Variants in USP33 observed in about 807,000 individuals in gnomAD.
USP33 encodes the protein ubiquitin carboxyl-terminal hydrolase 33.
A neutral mutation model predicts 124.2 loss-of-function variants in USP33; 46 were observed. That is an observed-to-expected ratio of 0.37 (90% confidence interval 0.29 to 0.47). The LOEUF is 0.47. USP33 is among the 20% of genes least tolerant of loss of function. USP33 has a pLI of 0.99. For synonymous variants in USP33, 350 were observed against 352.3 expected, an observed-to-expected ratio of 0.99 and a Z score of 0.07; for missense variants, 851 against 1,070.6, an observed-to-expected ratio of 0.79 and a Z score of 2.86.
At chr1:77,721,793 A>T in intron 14 of USP33, 38 bp downstream of exon 14, 1 of 1,556,546 alleles carries the variant, frequency 6.4e-7, no homozygotes, top group Non-Finnish European at 8.7e-7. Flanking sequence ...TTTTAGATTT[A>T]CCTACAAAAA....
chr1:77,704,429 A>C (rs1434273005), intron 21 of USP33, among the ~76,000 whole-genome samples: 5 of 152,350 alleles, frequency 3.3e-5, no homozygotes, highest in African/African-American at 9.6e-5. Context: ...GAAAACTTTC[A>C]GGACTTACTT....
At chr1:77,706,555 G>A (rs563813264) in intron 21 of USP33, among the ~76,000 whole-genome samples, 14 of 152,244 alleles carry the variant, frequency 9.2e-5, no homozygotes, top group Admixed American at 5.2e-4. Flanking sequence ...TGACTCATTC[G>A]TAACCATAAT....
At chr1:77,749,383 GT>G (rs749885315) in intron 1 of USP33, among the ~76,000 whole-genome samples, 6 of 148,340 alleles carry the variant, frequency 4.0e-5, no homozygotes, top group Non-Finnish European at 8.9e-5. Context: ...TTTTTGTTTT[GT>G]TTGTTTTTTT....
At position 77,713,226 on chromosome 1, in the gene USP33, C is replaced by A; in HGVS notation, c.2271G>T (p.Gln757His). 6.3e-7 allele frequency: 1 copy of A among 1,587,504 alleles called. No individual in the cohort carries two copies. The highest frequency in any genetic ancestry group is 1.4e-5 in the African/African-American group (1 of 72,242). The change falls in exon 20 of 24, where the codon CAG (glutamine) becomes CAT (histidine). Residue 757 changes from glutamine to histidine, a missense_variant. Physicochemically the swap from Gln to His is conservative, Grantham distance 24. Around this residue, in one of 4 missense-constraint regions of USP33, gnomAD observed 281 missense variants for 425.0 expected, o/e 0.66. Coordinates refer to ENST00000370794, the MANE Select transcript of USP33 (RefSeq NM_201624.3). ...YIEDLVLMLP[Q>H]NIWDNLYSRY... is the part of the protein sequence containing the mutation. Reference sequence around the variant, plus strand: ...TGCTATATAGGTTATCCCAAATGTTCTGAGGCAGCATCAAAACCAGGTCTT... The same window carrying A: ...TGCTATATAGGTTATCCCAAATGTTATGAGGCAGCATCAAAACCAGGTCTT...
At chr1:77,719,005 A>G (rs1044735378) in intron 15 of USP33, among the ~76,000 whole-genome samples, 5 of 152,116 alleles carry the variant, frequency 3.3e-5, no homozygotes, top group Admixed American at 3.3e-4. Flanking sequence ...TTGCCACTGA[A>G]TTACGTTACA....
intron 9 of USP33, 102 bp downstream of exon 9, chr1:77,729,758 A>G: frequency 9.8e-7 from 1 of 1,018,112 alleles, no homozygotes; most frequent in African/African-American, 1.6e-5. Context: ...AGAAAGACAC[A>G]AGGAGTGATG....
rs1199952438 is a variant in USP33 at position 77,736,103 on chromosome 1, T to C, written c.407A>G (p.Asp136Gly). 1.9e-6 allele frequency: 3 copies of C among 1,613,468 alleles called. No homozygotes were observed. The highest frequency in any genetic ancestry group is 2.2e-5 in the South Asian group (2 of 90,942). ...TTCATCCGCTTCTATATCCAGATCA[T>C]CAAATACGGCAACCAGAGGAGTTTT... The part of the protein sequence containing the change: ...TLKTPLVAVF[D>G]DLDIEADEED... Residue 136 changes from aspartate to glycine, a missense_variant, in exon 6 of 24, where the codon GAT becomes GGT. Physicochemically the swap from Asp to Gly is moderately conservative, Grantham distance 94. Transcript: ENST00000370794.
intron 19 of USP33, among the ~76,000 whole-genome samples, chr1:77,713,874 T>C (rs549427077): frequency 6.6e-6 from 1 of 152,296 alleles, no homozygotes; most frequent in South Asian, 2.1e-4. Context: ...TTACACTCTC[T>C]CTCCCAAGAA....
intron 11 of USP33, 80 bp from the exon 12 acceptor site, chr1:77,723,523 TCTTA>T: frequency 6.4e-6 from 6 of 930,536 alleles, no homozygotes; most frequent in Non-Finnish European, 9.7e-6. Context: ...GTCTTGTCAA[TCTTA>T]CTTGTATATG....
At chr1:77,736,764 A>G (rs931700699) in intron 5 of USP33, among the ~76,000 whole-genome samples, 10 of 152,130 alleles carry the variant, frequency 6.6e-5, no homozygotes, top group Middle Eastern at 3.4e-3. Context: ...TGCATGCCAC[A>G]ACGCCCAGCT....
Position 77,722,210 on chromosome 1 carries a change from G to A in USP33, c.1390-14C>T. On this transcript the variant is annotated splice_polypyrimidine_tract_variant and intron_variant, in intron 12 of 23. Transcript: ENST00000370794. ...GGTTACAGACACCTAAAATTGTTTT[G>A]TGTTTTAAAAATGGGATGAACATAA... 1 of 1,598,216 alleles carries A rather than the reference G, an allele frequency of 6.3e-7. No individual in the cohort carries two copies. Among genetic ancestry groups the A allele is most frequent in the Non-Finnish European group, 8.5e-7 (1 of 1,172,630 alleles).
chr1:77,748,791 C>G (rs1680012781), intron 1 of USP33, among the ~76,000 whole-genome samples: 1 of 131,810 alleles, frequency 7.6e-6, no homozygotes, highest in Admixed American at 7.5e-5. Flanking sequence ...CCCCCCCCCC[C>G]CGTGCTTGAA....
In USP33 at chr1:77,696,751, T is replaced by C. The variant is rs1673466589; in HGVS notation, c.*566A>G. 6.6e-6 allele frequency: 1 copy of C among 152,258 alleles called. No homozygotes were observed. The highest frequency in any genetic ancestry group is 2.4e-5 in the African/African-American group (1 of 41,456). The allele number at this position is 152,258 out of a possible 1,614,324, so 9.4% of individuals were successfully genotyped here. On this transcript the variant is annotated 3_prime_UTR_variant, in exon 24 of 24. Coordinates refer to ENST00000370794, the MANE Select transcript of USP33 (RefSeq NM_201624.3). The stretch of plus-strand genomic sequence containing the variant: ...CTGCATGTAGTGTAAAGATTAAAGA[T>C]AACCTACTGATTTCACAATTGTCCC...
chr1:77,712,265 C>T (rs948725046), intron 20 of USP33, among the ~76,000 whole-genome samples: 2 of 152,138 alleles, frequency 1.3e-5, no homozygotes, highest in African/African-American at 4.8e-5. Context: ...TTAAAGAAAA[C>T]ATAATTAGTA....
chr1:77,722,204 T>A lies in USP33; in HGVS notation c.1390-8A>T. ...CTCGAGGGTTACAGACACCTAAAAT[T>A]GTTTTGTGTTTTAAAAATGGGATGA... is the stretch of plus-strand genomic sequence containing the variant. On this transcript the variant is annotated splice_polypyrimidine_tract_variant and splice_region_variant and intron_variant, in intron 12 of 23. Coordinates refer to ENST00000370794, the MANE Select transcript of USP33 (RefSeq NM_201624.3). 1.2e-6 allele frequency: 2 copies of A among 1,600,572 alleles called. No individual in the cohort carries two copies. Among genetic ancestry groups the A allele is most frequent in the Non-Finnish European group, 1.7e-6 (2 of 1,173,988 alleles).
intron 1 of USP33, among the ~76,000 whole-genome samples, chr1:77,742,461 G>A (rs917783203): frequency 6.6e-6 from 1 of 151,964 alleles, no homozygotes; most frequent in Non-Finnish European, 1.5e-5. Flanking sequence ...ATACCCTCTG[G>A]GGGACAAAAT....
chr1:77,751,464 G>A (rs541574585), intron 1 of USP33, among the ~76,000 whole-genome samples: 10 of 152,124 alleles, frequency 6.6e-5, no homozygotes, highest in Admixed American at 5.9e-4. Context: ...ACCAGCCTGG[G>A]CAACACGGCA....
At chr1:77,734,683 T>C (rs918863428) in intron 6 of USP33, among the ~76,000 whole-genome samples, 2 of 152,226 alleles carry the variant, frequency 1.3e-5, no homozygotes, top group African/African-American at 4.8e-5. Context: ...CTACGTGTTT[T>C]TAAAAAGCAT....
chr1:77,748,093 C>A (rs1679916144), intron 1 of USP33, among the ~76,000 whole-genome samples: 1 of 152,076 alleles, frequency 6.6e-6, no homozygotes, highest in Admixed American at 6.5e-5. Flanking sequence ...CATAAGTTTT[C>A]CATTTTTATT....
Sources: gnomAD v4.1 joint callset for allele counts (sites outside exome capture counted in the v4.1 genomes callset) on GRCh38, gnomAD v4.1.1 for gene constraint, gnomAD v4.1.1 regional missense constraint, MANE v1.5 for transcripts, NCBI Gene and HGNC (gene_info 2026-07-23, HGNC 2026-07-21) for gene names.